CDKAL1: variants seen among roughly 807,000 people sequenced by gnomAD.
The protein encoded by CDKAL1 is CDKAL1 threonylcarbamoyladenosine tRNA methylthiotransferase.
In CDKAL1, 32 loss-of-function variants were observed where a neutral mutation model predicts 68.2. The observed-to-expected ratio is 0.47, with a 90% CI of 0.35 to 0.63. CDKAL1 has a LOEUF of 0.63. Among genes scored for constraint, CDKAL1 ranks in the 30% least tolerant of loss-of-function variants. CDKAL1 has a pLI of 0.00. For missense variants in CDKAL1, 606 were observed against 696.7 expected (o/e 0.87, Z 1.47); for synonymous variants, 234 against 244.3 (o/e 0.96, Z 0.39).
chr6:20,594,422 A>T (rs151130263), intron 4 of CDKAL1, among the ~76,000 whole-genome samples: 4 of 152,098 alleles, frequency 2.6e-5, no homozygotes, highest in African/African-American at 9.7e-5. Context: ...TCCCTTTACC[A>T]TTATGTAATG....
At chr6:21,197,393 A>G (rs1263578790) in intron 13 of CDKAL1, among the ~76,000 whole-genome samples, 2 of 152,154 alleles carry the variant, frequency 1.3e-5, no homozygotes, top group East Asian at 3.9e-4. Flanking sequence ...AAAATAATAA[A>G]TGAACATGGG....
In CDKAL1 at chr6:20,955,558, T is replaced by C; in HGVS notation, c.882T>C (p.Asn294=). ...CAATGCTGAGGCTTGGCATGACAAA[T>C]CCGCCCTATATTTTAGAGCATCTGG... The part of the protein sequence containing the change: ...EGAMLRLGMT[N]PPYILEHLEE... Residue 294 remains asparagine, a synonymous_variant, in exon 10 of 16, where the codon AAT becomes AAC. Coordinates refer to ENST00000274695, the MANE Select transcript of CDKAL1 (RefSeq NM_017774.3). The C allele has an allele frequency of 6.2e-7, 1 of 1,614,088 alleles. No individual in the cohort carries two copies. The highest frequency in any genetic ancestry group is 8.5e-7 in the Non-Finnish European group (1 of 1,179,996).
intron 13 of CDKAL1, among the ~76,000 whole-genome samples, chr6:21,110,681 T>C (rs1227717733): frequency 1.3e-5 from 2 of 152,180 alleles, no homozygotes; most frequent in Non-Finnish European, 2.9e-5. Flanking sequence ...TAATGCAGGC[T>C]GGTGTATTGG....
intron 10 of CDKAL1, among the ~76,000 whole-genome samples, chr6:20,990,720 G>C (rs1377482575): frequency 6.6e-6 from 1 of 152,220 alleles, no homozygotes; most frequent in Admixed American, 6.5e-5. Context: ...AATTTACTTA[G>C]TAGCTGTTAC....
intron 11 of CDKAL1, among the ~76,000 whole-genome samples, chr6:21,013,926 G>A (rs551711420): frequency 2.6e-5 from 4 of 152,314 alleles, no homozygotes; most frequent in African/African-American, 9.6e-5. Flanking sequence ...TGCTTAAGAT[G>A]TAGCAATCTT....
intron 4 of CDKAL1, among the ~76,000 whole-genome samples, chr6:20,632,838 A>G (rs1233946167): frequency 3.3e-5 from 5 of 152,158 alleles, no homozygotes; most frequent in African/African-American, 7.2e-5. Flanking sequence ...CCACGGGCCC[A>G]TCTGTGGGCA....
At chr6:21,003,069 T>G (rs1019859156) in intron 11 of CDKAL1, among the ~76,000 whole-genome samples, 3 of 151,946 alleles carry the variant, frequency 2.0e-5, no homozygotes, top group Non-Finnish European at 4.4e-5. Flanking sequence ...AGTCCATCTG[T>G]TGTGAAGAAT....
intron 11 of CDKAL1, among the ~76,000 whole-genome samples, chr6:21,015,846 G>C (rs1458987837): frequency 2.6e-5 from 4 of 151,804 alleles, no homozygotes; most frequent in Non-Finnish European, 5.9e-5. Context: ...TACTCAGGAG[G>C]CTGAGGCATG....
At chr6:20,791,825 T>C (rs1334133284) in intron 8 of CDKAL1, among the ~76,000 whole-genome samples, 3 of 151,812 alleles carry the variant, frequency 2.0e-5, no homozygotes, top group African/African-American at 7.3e-5. Flanking sequence ...TTTCTTGCCT[T>C]TTTTTTTCCC....
intron 6 of CDKAL1, among the ~76,000 whole-genome samples, chr6:20,748,555 G>GGAAAAAAAAAAAAAAAAAAAAA (rs1773766913): frequency 3.5e-5 from 1 of 28,742 alleles, no homozygotes; most frequent in Admixed American, 4.8e-4. Flanking sequence ...TCTGTTTCTG[G>GGAAAAAAAAAAAAAAAAAAAAA]AAAAAAAAAA....
intron 8 of CDKAL1, among the ~76,000 whole-genome samples, chr6:20,793,048 C>G (rs1775963412): frequency 6.8e-6 from 1 of 146,036 alleles, no homozygotes; most frequent in Admixed American, 6.6e-5. Context: ...TGTGAACCAG[C>G]AGCACGTTCT....
At chr6:21,068,654 G>T (rs1771589429) in intron 12 of CDKAL1, among the ~76,000 whole-genome samples, 1 of 152,022 alleles carries the variant, frequency 6.6e-6, no homozygotes, top group African/African-American at 2.4e-5. Flanking sequence ...CTTGATATTG[G>T]CAATGTAAGT....
At chr6:21,142,600 A>G (rs1013004740) in intron 13 of CDKAL1, among the ~76,000 whole-genome samples, 1 of 152,228 alleles carries the variant, frequency 6.6e-6, no homozygotes, top group African/African-American at 2.4e-5. Context: ...TGCCTAGGAT[A>G]AGAGGAGCAT....
chr6:20,811,022 A>G (rs571804350), intron 8 of CDKAL1, among the ~76,000 whole-genome samples: 98 of 152,270 alleles, frequency 6.4e-4, no homozygotes, highest in African/African-American at 2.1e-3. Flanking sequence ...ATTTAGATTC[A>G]TGTAAGGAAT....
At chr6:20,659,898 C>T (rs1769207313) in intron 5 of CDKAL1, among the ~76,000 whole-genome samples, 1 of 152,144 alleles carries the variant, frequency 6.6e-6, no homozygotes, top group South Asian at 2.1e-4. Context: ...CCTCTCTCTC[C>T]TACCTCTTTT....
intron 9 of CDKAL1, among the ~76,000 whole-genome samples, chr6:20,863,578 A>G (rs1022224401): frequency 1.3e-5 from 2 of 152,244 alleles, no homozygotes; most frequent in Admixed American, 6.5e-5. Flanking sequence ...CAGAATGAGC[A>G]CTGTAAATGT....
chr6:21,085,347 C>T (rs992014386), intron 12 of CDKAL1, among the ~76,000 whole-genome samples: 1 of 152,158 alleles, frequency 6.6e-6, no homozygotes, highest in African/African-American at 2.4e-5. Flanking sequence ...ATGCAAGGAA[C>T]TGTGCTGGGT....
intron 10 of CDKAL1, among the ~76,000 whole-genome samples, chr6:20,987,849 G>A (rs575645485): frequency 3.3e-5 from 5 of 151,738 alleles, no homozygotes; most frequent in South Asian, 2.1e-4. Flanking sequence ...GCACAATCAC[G>A]ACTCACTGCA....
intron 12 of CDKAL1, among the ~76,000 whole-genome samples, chr6:21,091,949 T>A (rs529766899): frequency 7.6e-6 from 1 of 132,020 alleles, no homozygotes; most frequent in African/African-American, 2.9e-5. Context: ...TGCAGTGGCG[T>A]GATCTCGGCT....
Sources: allele counts gnomAD v4.1 joint callset (sites outside exome capture counted in the v4.1 genomes callset), GRCh38; gene constraint gnomAD v4.1.1; transcripts MANE v1.5; gene names NCBI Gene and HGNC (gene_info 2026-07-23, HGNC 2026-07-21).